Variants in OTOGL observed in about 807,000 individuals in gnomAD.
OTOGL encodes otogelin-like protein.
A neutral mutation model predicts 318.5 loss-of-function variants in OTOGL; 285 were observed. The observed-to-expected ratio is 0.89, with a 90% CI of 0.81 to 0.99. OTOGL has a LOEUF of 0.99. Among genes scored for constraint, OTOGL ranks in the 50% least tolerant of loss-of-function variants. OTOGL has a pLI of 0.00. For missense variants in OTOGL, 2,899 were observed against 2,845.6 expected (o/e 1.02, Z -0.43); for synonymous variants, 987 against 936.5 (o/e 1.05, Z -0.99).
chr12:80,364,140 C>T (rs1417174339), intron 52 of OTOGL, among the ~76,000 whole-genome samples: 2 of 152,224 alleles, frequency 1.3e-5, no homozygotes, highest in South Asian at 2.1e-4. Flanking sequence ...ACACACAGAA[C>T]GTAACTAGTA....
At chr12:80,306,772 C>CT (rs11354571) in intron 29 of OTOGL, among the ~76,000 whole-genome samples, 1 of 144,902 alleles carries the variant, frequency 6.9e-6, no homozygotes, top group African/African-American at 2.5e-5. Context: ...GTAACTATTT[C>CT]TTTTTTTTTT....
intron 1 of OTOGL, among the ~76,000 whole-genome samples, chr12:80,158,303 A>T (rs1873261924): frequency 6.6e-6 from 1 of 152,100 alleles, no homozygotes; most frequent in Admixed American, 6.6e-5. Flanking sequence ...TAATATATTT[A>T]ACTCCAGGAG....
chr12:80,299,807 A>T (rs1340541917), intron 27 of OTOGL, among the ~76,000 whole-genome samples: 1 of 152,106 alleles, frequency 6.6e-6, no homozygotes, highest in Non-Finnish European at 1.5e-5. Flanking sequence ...TGAAGTGGAG[A>T]TCTCTATTTT....
intron 39 of OTOGL, 95 bp downstream of exon 39, chr12:80,336,235 G>T: frequency 7.3e-7 from 1 of 1,372,136 alleles, no homozygotes; most frequent in Non-Finnish European, 9.5e-7. Context: ...TCAAGCCAAA[G>T]TTACTGTTTT....
At chr12:80,150,085 TTATA>T (rs1227153344) in intron 1 of OTOGL, among the ~76,000 whole-genome samples, 1 of 152,134 alleles carries the variant, frequency 6.6e-6, no homozygotes. Flanking sequence ...TCGCTTTTCT[TTATA>T]TAGTGTCTGG....
At chr12:80,168,843 C>A (rs1476357192) in intron 1 of OTOGL, among the ~76,000 whole-genome samples, 1 of 152,158 alleles carries the variant, frequency 6.6e-6, no homozygotes, top group East Asian at 1.9e-4. Context: ...CTTCTCTAAG[C>A]AATTAGGAAA....
chr12:80,255,398 A>T (rs1178852068), intron 16 of OTOGL, among the ~76,000 whole-genome samples: 1 of 152,030 alleles, frequency 6.6e-6, no homozygotes, highest in Non-Finnish European at 1.5e-5. Context: ...ACGCATCTTG[A>T]TCTCAGAGAT....
intron 11 of OTOGL, among the ~76,000 whole-genome samples, chr12:80,248,875 T>G (rs1266044721): frequency 6.7e-6 from 1 of 148,930 alleles, no homozygotes; most frequent in Non-Finnish European, 1.5e-5. Context: ...TTTTTATTCT[T>G]TTTTCTCTAA....
intron 32 of OTOGL, among the ~76,000 whole-genome samples, chr12:80,316,660 A>G (rs1027052181): frequency 3.3e-5 from 5 of 152,194 alleles, no homozygotes; most frequent in African/African-American, 1.2e-4. Context: ...TACTATGATC[A>G]AAGTAATGGA....
chr12:80,141,409 T>G (rs572928625), intron 1 of OTOGL, among the ~76,000 whole-genome samples: 1 of 152,186 alleles, frequency 6.6e-6, no homozygotes, highest in South Asian at 2.1e-4. Context: ...TTTTTAGGTA[T>G]GGAATATAGA....
At chr12:80,307,835 C>T (rs1329730349) in intron 29 of OTOGL, among the ~76,000 whole-genome samples, 1 of 140,418 alleles carries the variant, frequency 7.1e-6, no homozygotes, top group Non-Finnish European at 1.5e-5. Flanking sequence ...GCACCCCTCA[C>T]CTCCCGGACA....
At chr12:80,158,305 C>T (rs1318176473) in intron 1 of OTOGL, among the ~76,000 whole-genome samples, 1 of 152,048 alleles carries the variant, frequency 6.6e-6, no homozygotes, top group Non-Finnish European at 1.5e-5. Flanking sequence ...ATATATTTAA[C>T]TCCAGGAGAC....
chr12:80,365,940 C>A (rs1164670763), intron 52 of OTOGL, among the ~76,000 whole-genome samples: 1 of 152,052 alleles, frequency 6.6e-6, no homozygotes, highest in Non-Finnish European at 1.5e-5. Context: ...TTTGTCAGTC[C>A]TGATAGGGCA....
rs546117699 is a variant in OTOGL, at chr12:80,116,007, C to T, written c.-20+16402C>T. ...TGGGCTCTGTGGGACTGGGATTTGA[C>T]GAGAAGACCACTTGGTTCCCTGGCT... is the stretch of plus-strand genomic sequence containing the variant. On this transcript the variant is annotated intron_variant, in intron 1 of 58. Coordinates refer to ENST00000547103, the MANE Select transcript of OTOGL (RefSeq NM_001378609.3). Among the ~76,000 whole-genome samples the T allele has an allele frequency of 3.1e-3, 270 of 87,000 alleles. 1 individual carries two copies. Among genetic ancestry groups the T allele is most frequent in the African/African-American group, 0.014 (215 of 15,680 alleles). 57.1% of individuals were successfully genotyped at this position (87,000 alleles called of 152,430 possible). A position where few individuals can be genotyped will look rare whatever the true frequency, so the allele number is the denominator to read the frequency against.
At chr12:80,310,006 A>G (rs1254320819) in intron 29 of OTOGL, among the ~76,000 whole-genome samples, 3 of 152,218 alleles carry the variant, frequency 2.0e-5, no homozygotes, top group Non-Finnish European at 4.4e-5. Context: ...CAATGTAGCA[A>G]GAGGAAACCC....
intron 57 of OTOGL, among the ~76,000 whole-genome samples, chr12:80,373,685 T>C (rs1473247932): frequency 2.0e-5 from 3 of 150,826 alleles, no homozygotes; most frequent in African/African-American, 7.3e-5. Context: ...ATATATAATA[T>C]GTAATATATT....
Position 80,105,243 on chromosome 12 carries a change from A to T in OTOGL, c.-20+5638A>T, listed in dbSNP as rs370300523. ...AACATAAACAATAGCAGTAAGTGTG[A>T]GTTTAAAACATATGTGGAGAAAAAG... is the stretch of plus-strand genomic sequence containing the variant. On this transcript the variant is annotated intron_variant, in intron 1 of 58. Coordinates refer to ENST00000547103, the MANE Select transcript of OTOGL (RefSeq NM_001378609.3). Among the ~76,000 whole-genome samples, 4 of 152,350 alleles carry T rather than the reference A, an allele frequency of 2.6e-5. No individual in the cohort carries two copies. In the East Asian group the frequency reaches 5.8e-4, roughly 22 times the overall value.
At chr12:80,324,269 G>T (rs563716384) in intron 35 of OTOGL, among the ~76,000 whole-genome samples, 1 of 152,196 alleles carries the variant, frequency 6.6e-6, no homozygotes, top group East Asian at 1.9e-4. Context: ...CTGACAAGGT[G>T]ACATCTGGTC....
intron 1 of OTOGL, among the ~76,000 whole-genome samples, chr12:80,201,168 C>T (rs955416481): frequency 1.3e-5 from 2 of 152,096 alleles, no homozygotes; most frequent in African/African-American, 2.4e-5. Flanking sequence ...ATTTTTCTTG[C>T]CAAAGAAACC....
Sources: gnomAD v4.1 joint callset for allele counts (sites outside exome capture counted in the v4.1 genomes callset) on GRCh38, gnomAD v4.1.1 for gene constraint, MANE v1.5 for transcripts, NCBI Gene and HGNC (gene_info 2026-07-23, HGNC 2026-07-21) for gene names.